C5orf24: variants seen among roughly 807,000 people sequenced by gnomAD.
C5orf24 encodes chromosome 5 open reading frame 24, also known as UPF0461 protein C5orf24.
In C5orf24, 4 loss-of-function variants were observed where a neutral mutation model predicts 9.8. The ratio of observed to expected loss-of-function variants is 0.41; its 90% CI spans 0.20 to 0.93. The LOEUF (loss-of-function observed/expected upper bound fraction) is 0.93, where lower values mean the gene tolerates loss of function less well. C5orf24 is among the 40% of genes least tolerant of loss of function. C5orf24 has a pLI of 0.33. For synonymous variants in C5orf24, 73 were observed against 81.3 expected, an observed-to-expected ratio of 0.90 and a Z score of 0.55; for missense variants, 170 against 236.9, an observed-to-expected ratio of 0.72 and a Z score of 1.85.
the C5orf24 span, among the ~76,000 whole-genome samples, chr5:134,839,104 G>T: frequency 4.0e-5 from 6 of 151,892 alleles, no homozygotes; most frequent in African/African-American, 1.5e-4. Context: ...GGGAGGCTGA[G>T]GTTGGAGGAT....
At chr5:134,841,010 G>A (rs527409927), upstream of C5orf24, among the ~76,000 whole-genome samples, 238 of 152,148 alleles carry the variant, frequency 1.6e-3, no homozygotes, top group African/African-American at 5.5e-3. Flanking sequence ...CATGACCCAC[G>A]GCCCCAGGCA....
intron 1 of C5orf24, among the ~76,000 whole-genome samples, chr5:134,852,047 TCTC>T (rs1217135570): frequency 2.6e-5 from 4 of 152,222 alleles, no homozygotes; most frequent in African/African-American, 9.6e-5. Context: ...TTCAACCAAT[TCTC>T]CTGCCTCAGC....
chr5:134,849,724 C>A (rs1197683339), intron 1 of C5orf24, among the ~76,000 whole-genome samples: 1 of 127,158 alleles, frequency 7.9e-6, no homozygotes, highest in Non-Finnish European at 1.6e-5. Flanking sequence ...GAGGTGTGAT[C>A]TCAGCTCACT....
At position 134,855,050 on chromosome 5, in the gene C5orf24, A is replaced by G. The variant is rs1346015131; in HGVS notation, c.150A>G (p.Pro50=). Residue 50 remains proline, a synonymous_variant, in exon 2 of 2, where the codon CCA becomes CCG. Coordinates refer to ENST00000394976, the MANE Select transcript of C5orf24 (RefSeq NM_001135586.1). ...SKYSHTVNHK[P]MVCQRQDPLN... is the part of the protein sequence containing the mutation. ...ACAGCCACACAGTCAACCACAAACCAATGGTTTGTCAGAGGCAAGACCCAT... is the reference window on the plus strand; with the variant it reads ...ACAGCCACACAGTCAACCACAAACCGATGGTTTGTCAGAGGCAAGACCCAT... 50 of 1,614,042 alleles carry G rather than the reference A, an allele frequency of 3.1e-5. No individual in the cohort carries two copies. The highest frequency in any genetic ancestry group is 4.2e-5 in the Non-Finnish European group (50 of 1,180,036).
chr5:134,837,801 AGTTT>A, the C5orf24 span, among the ~76,000 whole-genome samples: 23 of 152,290 alleles, frequency 1.5e-4, no homozygotes, highest in South Asian at 4.6e-3. Context: ...TCAGTCCATT[AGTTT>A]GTTATAGCAG....
intron 1 of C5orf24, among the ~76,000 whole-genome samples, chr5:134,853,360 TAAAAAAA>T (rs397884485): frequency 1.3e-5 from 1 of 77,000 alleles, no homozygotes; most frequent in African/African-American, 5.0e-5. Context: ...AAACTCCACC[TAAAAAAA>T]AAAAAAAAAA....
At chr5:134,849,372 G>C (rs1025441937) in intron 1 of C5orf24, among the ~76,000 whole-genome samples, 2 of 152,150 alleles carry the variant, frequency 1.3e-5, no homozygotes, top group African/African-American at 4.8e-5. Flanking sequence ...TAAATATGCT[G>C]CATGTAAATA....
intron 1 of C5orf24, among the ~76,000 whole-genome samples, chr5:134,850,476 GT>G (rs199936351): frequency 7.6e-4 from 99 of 129,458 alleles, no homozygotes; most frequent in Middle Eastern, 4.8e-3. Context: ...AATTGCAAGT[GT>G]TTTTTTTTTT....
Position 134,846,008 on chromosome 5 carries a change from G to C in C5orf24, c.-208G>C, listed in dbSNP as rs1231704322. The C allele has an allele frequency of 6.6e-6, 1 of 152,316 alleles. No individual in the cohort carries two copies. Among genetic ancestry groups the C allele is most frequent in the Non-Finnish European group, 1.5e-5 (1 of 68,122 alleles). The allele number at this position is 152,316 out of a possible 1,614,324, so 9.4% of individuals were successfully genotyped here. A position where few individuals can be genotyped will look rare whatever the true frequency, so the allele number is the denominator to read the frequency against. On this transcript the variant is annotated 5_prime_UTR_variant, in exon 1 of 2. Coordinates refer to ENST00000394976, the MANE Select transcript of C5orf24 (RefSeq NM_001135586.1). ...TAGCGGCCTCTTCGTACTGCGTCCGGGGCAGGACCGTGCGCGGCGGCCGCG... is the reference window on the plus strand; with the variant it reads ...TAGCGGCCTCTTCGTACTGCGTCCGCGGCAGGACCGTGCGCGGCGGCCGCG...
the C5orf24 span, among the ~76,000 whole-genome samples, chr5:134,838,990 CT>C: frequency 1.3e-5 from 2 of 152,060 alleles, no homozygotes; most frequent in African/African-American, 4.8e-5. Context: ...AGGAGGATCA[CT>C]TGAGCCCAGG....
rs1346823963 is a variant in C5orf24, at chr5:134,856,635, C to T, written c.*1168C>T. On this transcript the variant is annotated 3_prime_UTR_variant, in exon 2 of 2. Transcript: ENST00000394976. ...CAGCCTGGGTGACAGAGTAAGACTC[C>T]GTCTCAAATAAATAAATAAATAAAT... is the stretch of plus-strand genomic sequence containing the variant. 8.3e-6 allele frequency: 6 copies of T among 721,330 alleles called. No homozygotes were observed. Among genetic ancestry groups the T allele is most frequent in the Non-Finnish European group, 1.0e-5 (6 of 582,592 alleles). The allele number at this position is 721,330 out of a possible 1,614,324, so 44.7% of individuals were successfully genotyped here.
chr5:134,840,135 C>T, the C5orf24 span, among the ~76,000 whole-genome samples: 2 of 151,732 alleles, frequency 1.3e-5, no homozygotes, highest in East Asian at 3.9e-4. Flanking sequence ...GGTGAAACTC[C>T]ATCTCTACTA....
the C5orf24 span, among the ~76,000 whole-genome samples, chr5:134,838,422 G>A: frequency 3.9e-5 from 6 of 152,296 alleles, no homozygotes; most frequent in Middle Eastern, 3.4e-3. Flanking sequence ...TGTAATCCCA[G>A]CACTTTGTGG....
chr5:134,849,674 TAAA>T (rs1393288150), intron 1 of C5orf24, among the ~76,000 whole-genome samples: 2 of 141,326 alleles, frequency 1.4e-5, no homozygotes, highest in Admixed American at 1.4e-4. Context: ...TTTTTTTTTT[TAAA>T]GAGAGAGTCT....
chr5:134,850,351 T>G (rs1476021815), intron 1 of C5orf24, among the ~76,000 whole-genome samples: 1 of 151,948 alleles, frequency 6.6e-6, no homozygotes, highest in Non-Finnish European at 1.5e-5. Context: ...TTCTCCATGT[T>G]GGTCAGGCTG....
chr5:134,845,041 A>G (rs959338484), upstream of C5orf24, among the ~76,000 whole-genome samples: 3 of 152,172 alleles, frequency 2.0e-5, no homozygotes, highest in African/African-American at 4.8e-5. Context: ...CAGGCTGTCC[A>G]GAGTTTTTAT....
At position 134,857,170 on chromosome 5, in the gene C5orf24, A is replaced by C. The variant is rs563419852; in HGVS notation, c.*1703A>C. 7.5e-7 allele frequency: 1 copy of C among 1,329,590 alleles called. No homozygotes were observed. The highest frequency in any genetic ancestry group is 9.7e-7 in the Non-Finnish European group (1 of 1,030,664). 82.4% of individuals were successfully genotyped at this position (1,329,590 alleles called of 1,614,324 possible). On this transcript the variant is annotated 3_prime_UTR_variant, in exon 2 of 2. Transcript: ENST00000394976. ...TTCAGACTTGAAAAAATTCCACTTA[A>C]CTTTAAAGTTACAATGTTTGTATTT...
At chr5:134,846,537 G>C (rs897504361) in intron 1 of C5orf24, 20 of 152,238 alleles carry the variant, frequency 1.3e-4, no homozygotes, top group African/African-American at 4.6e-4. Flanking sequence ...CTACGCTTGC[G>C]GAACTCCGAG....
At chr5:134,840,867 T>A (rs1160904163), upstream of C5orf24, among the ~76,000 whole-genome samples, 1 of 151,880 alleles carries the variant, frequency 6.6e-6, no homozygotes, top group South Asian at 2.1e-4. Context: ...GTATCCAGAG[T>A]TTTTATTGGA....
Sources: gnomAD v4.1 joint callset for allele counts (sites outside exome capture counted in the v4.1 genomes callset) on GRCh38, gnomAD v4.1.1 for gene constraint, MANE v1.5 for transcripts, NCBI Gene and HGNC (gene_info 2026-07-23, HGNC 2026-07-21) for gene names.